CDH22: variants seen among roughly 807,000 people sequenced by gnomAD.
The protein encoded by CDH22 is cadherin 22, also known as cadherin-22.
In CDH22, 30 loss-of-function variants were observed where a neutral mutation model predicts 58.4. The ratio of observed to expected loss-of-function variants is 0.51; its 90% CI spans 0.38 to 0.70. The LOEUF (loss-of-function observed/expected upper bound fraction) is 0.70. Among genes scored for constraint, CDH22 ranks in the 30% least tolerant of loss-of-function variants. The probability of loss-of-function intolerance (pLI) is 0.00; values close to 1 mark genes in which losing one functional copy is unlikely to be tolerated. For missense variants in CDH22, 1,014 were observed against 1,233.9 expected (o/e 0.82, Z 2.67); for synonymous variants, 513 against 558.2 (o/e 0.92, Z 1.14).
chr20:46,306,185 G>A (rs146792183), intron 1 of CDH22, among the ~76,000 whole-genome samples: 8 of 152,344 alleles, frequency 5.3e-5, no homozygotes, highest in Non-Finnish European at 8.8e-5. Context: ...TTCTTGTCCT[G>A]CCTGCAGCGT....
At chr20:46,230,461 C>T (rs1026113733) in intron 3 of CDH22, among the ~76,000 whole-genome samples, 8 of 152,120 alleles carry the variant, frequency 5.3e-5, no homozygotes, top group Admixed American at 3.9e-4. Context: ...TGAGCTGGTA[C>T]GAGCTGACTC....
At chr20:46,278,921 G>C (rs997921076) in intron 1 of CDH22, among the ~76,000 whole-genome samples, 1 of 152,178 alleles carries the variant, frequency 6.6e-6, no homozygotes, top group Non-Finnish European at 1.5e-5. Flanking sequence ...GTCCGGAATG[G>C]CCCAGTTAGT....
At chr20:46,276,648 C>T (rs1034608034) in intron 1 of CDH22, among the ~76,000 whole-genome samples, 3 of 152,194 alleles carry the variant, frequency 2.0e-5, no homozygotes, top group African/African-American at 7.2e-5. Flanking sequence ...GATGAGGCTC[C>T]ACAAACATAA....
At chr20:46,207,649 C>T (rs946823938) in intron 7 of CDH22, among the ~76,000 whole-genome samples, 1 of 152,330 alleles carries the variant, frequency 6.6e-6, no homozygotes, top group Middle Eastern at 3.4e-3. Context: ...CTGAGCTCCT[C>T]AGCCTGCCTC....
At chr20:46,254,117 C>T (rs1380945540) in intron 1 of CDH22, among the ~76,000 whole-genome samples, 1 of 152,236 alleles carries the variant, frequency 6.6e-6, no homozygotes, top group Non-Finnish European at 1.5e-5. Context: ...CTGTTTAAGA[C>T]AGCAAGATGC....
chr20:46,193,257 C>A (rs1417511113), intron 8 of CDH22, among the ~76,000 whole-genome samples: 2 of 152,146 alleles, frequency 1.3e-5, no homozygotes, highest in Non-Finnish European at 2.9e-5. Context: ...AGGAGTCATC[C>A]AGTCCAAGAG....
chr20:46,213,333 G>A (rs1182931917), intron 5 of CDH22, 145 bp from the exon 6 acceptor site: 1 of 616,008 alleles, frequency 1.6e-6, no homozygotes, highest in Non-Finnish European at 2.9e-6. Context: ...CAGAATGGGG[G>A]CTGGGAGAGG....
At chr20:46,295,584 A>G (rs1236945664) in intron 1 of CDH22, among the ~76,000 whole-genome samples, 6 of 152,194 alleles carry the variant, frequency 3.9e-5, no homozygotes, top group Non-Finnish European at 5.9e-5. Flanking sequence ...GTGTAAGGAC[A>G]GGCAGCTAGG....
chr20:46,183,629 A>C (rs2085803730), intron 10 of CDH22, among the ~76,000 whole-genome samples: 5 of 152,002 alleles, frequency 3.3e-5, no homozygotes, highest in Admixed American at 3.3e-4. Context: ...ATGGGTTTTC[A>C]CTGTGTTGTC....
At chr20:46,289,641 T>C (rs1287482998) in intron 1 of CDH22, among the ~76,000 whole-genome samples, 1 of 152,160 alleles carries the variant, frequency 6.6e-6, no homozygotes, top group African/African-American at 2.4e-5. Context: ...CATCAAATGT[T>C]TGAATAAACA....
intron 1 of CDH22, among the ~76,000 whole-genome samples, chr20:46,256,896 C>T (rs1019642133): frequency 6.6e-5 from 10 of 151,778 alleles, no homozygotes; most frequent in African/African-American, 2.4e-4. Flanking sequence ...GTCCCAGCTA[C>T]TTGGGAGACT....
intron 11 of CDH22, among the ~76,000 whole-genome samples, chr20:46,176,924 T>C (rs534704052): frequency 1.2e-3 from 188 of 152,196 alleles, no homozygotes; most frequent in Non-Finnish European, 2.1e-3. Context: ...ACTTTCTTCG[T>C]TTGTGGGCAA....
chr20:46,184,703 A>G (rs1332094459), intron 10 of CDH22, among the ~76,000 whole-genome samples: 1 of 152,140 alleles, frequency 6.6e-6, no homozygotes, highest in Non-Finnish European at 1.5e-5. Context: ...GGATGTAGGA[A>G]TTGACATTTC....
intron 4 of CDH22, among the ~76,000 whole-genome samples, chr20:46,221,527 T>C (rs992366666): frequency 2.6e-5 from 4 of 152,190 alleles, no homozygotes; most frequent in East Asian, 1.9e-4. Context: ...CAGGACTGTG[T>C]TCCAGGACAG....
chr20:46,306,642 G>A (rs957543227), intron 1 of CDH22, among the ~76,000 whole-genome samples: 1 of 152,192 alleles, frequency 6.6e-6, no homozygotes, highest in African/African-American at 2.4e-5. Flanking sequence ...GGGAAATAAG[G>A]GTGAAGTAGA....
intron 1 of CDH22, among the ~76,000 whole-genome samples, chr20:46,261,635 G>A (rs1039904705): frequency 3.9e-5 from 6 of 152,110 alleles, no homozygotes; most frequent in African/African-American, 9.7e-5. Flanking sequence ...CAGTGGGAGC[G>A]GTGCCTGACA....
At chr20:46,200,463 T>C (rs1399423073) in intron 7 of CDH22, among the ~76,000 whole-genome samples, 3 of 150,616 alleles carry the variant, frequency 2.0e-5, no homozygotes, top group Admixed American at 6.6e-5. Context: ...TTTTTTTTTT[T>C]CAGAGACAGG....
At position 46,213,742 on chromosome 20, in the gene CDH22, G is replaced by A. The variant is rs114360977; in HGVS notation, c.839-554C>T. ...TAGTGATTTTGCTGTTGATGTTAAC[G>A]GTAGTTATTCCTTCATTTCAATGTA... is the stretch of plus-strand genomic sequence containing the variant. On this transcript the variant is annotated intron_variant, in intron 5 of 11. Coordinates refer to ENST00000537909, the MANE Select transcript of CDH22 (RefSeq NM_021248.3). 1.0e-2 allele frequency among the ~76,000 whole-genome samples: 1,515 copies of A among 152,258 alleles called. 26 individuals carry two copies. The highest frequency in any genetic ancestry group is 0.035 in the African/African-American group (1,455 of 41,544).
At chr20:46,198,448 C>G (rs900380143) in intron 8 of CDH22, among the ~76,000 whole-genome samples, 3 of 152,120 alleles carry the variant, frequency 2.0e-5, no homozygotes, top group Non-Finnish European at 4.4e-5. Flanking sequence ...AGCCTGTATC[C>G]CAAAGCCAGC....
Sources: gnomAD v4.1 joint callset for allele counts (sites outside exome capture counted in the v4.1 genomes callset) on GRCh38, gnomAD v4.1.1 for gene constraint, MANE v1.5 for transcripts, NCBI Gene and HGNC (gene_info 2026-07-23, HGNC 2026-07-21) for gene names.